The following SDK2 variants were observed in gnomAD, a reference collection of about 807,000 sequenced individuals.
SDK2 encodes sidekick cell adhesion molecule 2.
A neutral mutation model predicts 253.9 loss-of-function variants in SDK2; 105 were observed. That is an observed-to-expected ratio of 0.41 (90% CI 0.35 to 0.49). The LOEUF (loss-of-function observed/expected upper bound fraction) is 0.49. Among genes scored for constraint, SDK2 ranks in the 20% least tolerant of loss-of-function variants. The pLI is 0.06. For missense variants in SDK2, 2,608 were observed against 3,003.0 expected (o/e 0.87, Z 3.07); for synonymous variants, 1,249 against 1,234.9 (o/e 1.01, Z -0.24).
At chr17:73,569,090 G>A (rs1185424335) in intron 1 of SDK2, among the ~76,000 whole-genome samples, 1 of 152,120 alleles carries the variant, frequency 6.6e-6, no homozygotes, top group Non-Finnish European at 1.5e-5. Context: ...TCAGCACTAA[G>A]GCTCAGAGAT....
intron 16 of SDK2, among the ~76,000 whole-genome samples, chr17:73,417,666 G>A (rs370259514): frequency 1.3e-5 from 2 of 152,088 alleles, no homozygotes; most frequent in African/African-American, 2.4e-5. Context: ...GGACTGGAGA[G>A]CTGTCCCTGA....
At position 73,386,429 on chromosome 17, in the gene SDK2, G is replaced by C. The variant is rs2062872573; in HGVS notation, c.4498+16C>G. On this transcript the variant is annotated intron_variant, in intron 31 of 44. Coordinates refer to ENST00000392650, the MANE Select transcript of SDK2 (RefSeq NM_001144952.2). ...CAGTGGGCTGAGAGAGAGACTGCTG[G>C]GGAAGGGGTACTGACCAGCCTGCAG... is the stretch of plus-strand genomic sequence containing the variant. 14 of 1,511,952 alleles carry C rather than the reference G, an allele frequency of 9.3e-6. No homozygotes were observed. The highest frequency in any genetic ancestry group is 1.2e-5 in the Non-Finnish European group (13 of 1,110,912). 93.7% of individuals were successfully genotyped at this position (1,511,952 alleles called of 1,614,324 possible). A position where few individuals can be genotyped will look rare whatever the true frequency, so the allele number is the denominator to read the frequency against.
intron 1 of SDK2, among the ~76,000 whole-genome samples, chr17:73,509,368 C>G (rs890124622): frequency 6.6e-6 from 1 of 152,174 alleles, no homozygotes. Flanking sequence ...GGTGTCCCCT[C>G]CAGGGAAGGG....
At chr17:73,411,058 T>G (rs1029430429) in intron 18 of SDK2, among the ~76,000 whole-genome samples, 10 of 152,258 alleles carry the variant, frequency 6.6e-5, no homozygotes, top group African/African-American at 2.4e-4. Flanking sequence ...GGCCTCCCCT[T>G]CCTTCCTCTG....
At chr17:73,620,825 C>G (rs1455446265) in intron 1 of SDK2, among the ~76,000 whole-genome samples, 1 of 152,160 alleles carries the variant, frequency 6.6e-6, no homozygotes, top group Non-Finnish European at 1.5e-5. Flanking sequence ...TCCACAGATA[C>G]AGATTGTGGC....
intron 37 of SDK2, 57 bp from the exon 38 acceptor site, chr17:73,365,452 G>T: frequency 1.3e-6 from 2 of 1,516,960 alleles, no homozygotes; most frequent in East Asian, 4.9e-5. Flanking sequence ...TCAAAGCCTC[G>T]GGTTCAGCTC....
At chr17:73,561,284 G>A (rs1054411336) in intron 1 of SDK2, among the ~76,000 whole-genome samples, 6 of 152,140 alleles carry the variant, frequency 3.9e-5, no homozygotes, top group South Asian at 2.1e-4. Flanking sequence ...CCCCACCTGC[G>A]GTCAGCCCTC....
At chr17:73,525,461 C>T (rs2064118375) in intron 1 of SDK2, among the ~76,000 whole-genome samples, 1 of 152,098 alleles carries the variant, frequency 6.6e-6, no homozygotes, top group African/African-American at 2.4e-5. Flanking sequence ...TGGCTGGTGA[C>T]AGGGAATAAA....
At chr17:73,533,434 G>T (rs2064186589) in intron 1 of SDK2, among the ~76,000 whole-genome samples, 1 of 152,234 alleles carries the variant, frequency 6.6e-6, no homozygotes, top group South Asian at 2.1e-4. Context: ...CAGCCACACA[G>T]GTTTGTGTCC....
At chr17:73,604,315 T>A (rs766592520) in intron 1 of SDK2, among the ~76,000 whole-genome samples, 16 of 152,096 alleles carry the variant, frequency 1.1e-4, no homozygotes, top group Non-Finnish European at 2.2e-4. Flanking sequence ...CAGAGCCAGC[T>A]CCTCCACCAC....
chr17:73,378,218 C>G (rs1428951357), intron 36 of SDK2, among the ~76,000 whole-genome samples: 1 of 152,038 alleles, frequency 6.6e-6, no homozygotes, highest in African/African-American at 2.4e-5. Flanking sequence ...CCCACCTCAG[C>G]CTCCCAAGTA....
chr17:73,427,072 G>A (rs946760317), intron 12 of SDK2, among the ~76,000 whole-genome samples: 3 of 151,696 alleles, frequency 2.0e-5, no homozygotes, highest in Non-Finnish European at 4.4e-5. Context: ...GTGACAGAGC[G>A]AGACTCCATC....
Position 73,361,896 on chromosome 17 carries a change from C to A in SDK2, c.5306-51G>T, listed in dbSNP as rs150500647. 2.1e-3 allele frequency: 3,200 copies of A among 1,513,620 alleles called. 62 individuals are homozygous for A. In the African/African-American group the frequency reaches 0.04, roughly 19 times the overall value. The allele number at this position is 1,513,620 out of a possible 1,614,324, so 93.8% of individuals were successfully genotyped here. A position where few individuals can be genotyped will look rare whatever the true frequency, so the allele number is the denominator to read the frequency against. On this transcript the variant is annotated intron_variant, in intron 38 of 44. Transcript: ENST00000392650. This position sits in a 1 kb window ranked among gnomAD's most constrained non-coding sequence, Gnocchi z 4.1. Reference sequence around the variant, plus strand: ...CTGGGCACAGGGCCCACCGAGGGCACTGGAGGCCATGGGGAAGGGGAAGCG... The same window carrying A: ...CTGGGCACAGGGCCCACCGAGGGCAATGGAGGCCATGGGGAAGGGGAAGCG...
chr17:73,515,632 CAAGTAAAATG>C (rs1446871706), intron 1 of SDK2, among the ~76,000 whole-genome samples: 1 of 152,178 alleles, frequency 6.6e-6, no homozygotes, highest in African/African-American at 2.4e-5. Context: ...GCGTGGGGGC[CAAGTAAAATG>C]AAGCAGAGGC....
intron 3 of SDK2, among the ~76,000 whole-genome samples, chr17:73,469,982 G>GCGCGCA: frequency 1.5e-5 from 1 of 66,480 alleles, no homozygotes; most frequent in Admixed American, 2.0e-4. Flanking sequence ...ATTTGCGACT[G>GCGCGCA]CGCGCGCGCG....
intron 16 of SDK2, 37 bp downstream of exon 16, chr17:73,419,129 T>C: frequency 6.2e-7 from 1 of 1,604,770 alleles, no homozygotes; most frequent in Non-Finnish European, 8.5e-7. Context: ...GCCTTTCCCC[T>C]TGGGACTGGG....
intron 4 of SDK2, among the ~76,000 whole-genome samples, chr17:73,451,505 AAAACAAAAACAT>A (rs1361780910): frequency 6.6e-6 from 1 of 152,190 alleles, no homozygotes; most frequent in African/African-American, 2.4e-5. Flanking sequence ...AATCCATCTC[AAAACAAAAACAT>A]AAACAAAAAC....
At chr17:73,562,595 G>A (rs900028451) in intron 1 of SDK2, among the ~76,000 whole-genome samples, 7 of 152,130 alleles carry the variant, frequency 4.6e-5, no homozygotes, top group African/African-American at 1.7e-4. Context: ...CGTGGGAGGG[G>A]GTTGGGAGGT....
Position 73,575,307 on chromosome 17 carries a change from C to G in SDK2, c.65-67710G>C, listed in dbSNP as rs1049928224. 5.9e-5 allele frequency among the ~76,000 whole-genome samples: 9 copies of G among 152,216 alleles called. No individual in the cohort carries two copies. In the East Asian group the frequency reaches 1.7e-3, roughly 29 times the overall value. ...TGTAATCAAAGAAACCCTGGGTTCT[C>G]CCTCATGGACTCCAAATCTGCCCCA... On this transcript the variant is annotated intron_variant, in intron 1 of 44. Coordinates refer to ENST00000392650, the MANE Select transcript of SDK2 (RefSeq NM_001144952.2).
Sources: allele counts gnomAD v4.1 joint callset (sites outside exome capture counted in the v4.1 genomes callset), GRCh38; gene constraint gnomAD v4.1.1; non-coding constraint Gnocchi (gnomAD v3.1); transcripts MANE v1.5; gene names NCBI Gene and HGNC (gene_info 2026-07-23, HGNC 2026-07-21).